RGS7: variants seen among roughly 807,000 people sequenced by gnomAD.
The protein encoded by RGS7 is regulator of G-protein signaling 7.
RGS7 carries 27 observed loss-of-function variants against 81.1 expected under a neutral mutation model. The ratio of observed to expected loss-of-function variants is 0.33; its 90% CI spans 0.25 to 0.46. The LOEUF is 0.46. Ranked by LOEUF, RGS7 falls within the 20% of genes least tolerant of loss-of-function variation. The pLI, the probability that RGS7 is intolerant of heterozygous loss-of-function variation, is 1.00. For missense variants in RGS7, 396 were observed against 607.4 expected (o/e 0.65, Z 3.66); for synonymous variants, 208 against 207.7 (o/e 1.00, Z -0.01).
At chr1:241,249,841 A>C (rs1181232904) in intron 2 of RGS7, among the ~76,000 whole-genome samples, 1 of 152,202 alleles carries the variant, frequency 6.6e-6, no homozygotes, top group Non-Finnish European at 1.5e-5. Context: ...TCACTTGAGA[A>C]GATAGAAAAA....
At chr1:241,172,071 G>T (rs1197234514) in intron 2 of RGS7, among the ~76,000 whole-genome samples, 2 of 152,190 alleles carry the variant, frequency 1.3e-5, no homozygotes, top group Non-Finnish European at 2.9e-5. Context: ...AGCTGATTAT[G>T]CTCAGACAAG....
chr1:241,116,470 T>G (rs950138566), intron 2 of RGS7, among the ~76,000 whole-genome samples: 1 of 152,170 alleles, frequency 6.6e-6, no homozygotes, highest in African/African-American at 2.4e-5. Context: ...CTCTGGCTGC[T>G]GGCTTCCCGG....
chr1:241,322,371 C>T (rs2081261588), intron 2 of RGS7, among the ~76,000 whole-genome samples: 1 of 152,166 alleles, frequency 6.6e-6, no homozygotes. Flanking sequence ...ATATCGACTA[C>T]CATTATTTGA....
intron 2 of RGS7, among the ~76,000 whole-genome samples, chr1:241,268,679 C>T (rs1366873675): frequency 1.3e-5 from 2 of 152,076 alleles, no homozygotes; most frequent in Non-Finnish European, 2.9e-5. Context: ...CTCGTGTTAT[C>T]CTTGCTCTCT....
At chr1:241,243,444 G>A (rs2076358807) in intron 2 of RGS7, among the ~76,000 whole-genome samples, 2 of 152,198 alleles carry the variant, frequency 1.3e-5, no homozygotes, top group South Asian at 4.1e-4. Flanking sequence ...CCAGTAAGAG[G>A]ATTTATTGCA....
At chr1:241,330,239 C>T (rs2081890569) in intron 2 of RGS7, among the ~76,000 whole-genome samples, 1 of 152,162 alleles carries the variant, frequency 6.6e-6, no homozygotes, top group Non-Finnish European at 1.5e-5. Context: ...CCGCCCGGCC[C>T]TTGATGGCAA....
At chr1:241,230,152 TTAATA>T (rs1253115158) in intron 2 of RGS7, among the ~76,000 whole-genome samples, 1 of 152,214 alleles carries the variant, frequency 6.6e-6, no homozygotes, top group African/African-American at 2.4e-5. Flanking sequence ...AAATTCCTAC[TTAATA>T]TGAGTCCATA....
At chr1:241,314,250 C>T (rs1050654904) in intron 2 of RGS7, among the ~76,000 whole-genome samples, 12 of 152,164 alleles carry the variant, frequency 7.9e-5, no homozygotes, top group African/African-American at 1.2e-4. Context: ...TCAATCAATG[C>T]GGCTCACTTC....
chr1:241,298,347 T>G (rs1384079170), intron 2 of RGS7, among the ~76,000 whole-genome samples: 1 of 152,182 alleles, frequency 6.6e-6, no homozygotes, highest in African/African-American at 2.4e-5. Context: ...GCCAAAGTAG[T>G]AATCTGTGTG....
At chr1:240,911,867 C>T (rs578248852) in intron 6 of RGS7, among the ~76,000 whole-genome samples, 19 of 151,804 alleles carry the variant, frequency 1.3e-4, no homozygotes, top group Admixed American at 3.3e-4. Flanking sequence ...TCTGGCCGGG[C>T]GCAGTGGCTC....
intron 18 of RGS7, among the ~76,000 whole-genome samples, chr1:240,783,461 T>C (rs1181450737): frequency 7.5e-6 from 1 of 132,734 alleles, no homozygotes; most frequent in African/African-American, 2.8e-5. Flanking sequence ...ATCTCTACTT[T>C]AAAAAAAAAA....
chr1:240,887,297 T>C lies in RGS7; in HGVS notation c.386-17178A>G, dbSNP rs993123603. On this transcript the variant is annotated intron_variant, in intron 6 of 18. Coordinates refer to ENST00000440928, the MANE Select transcript of RGS7 (RefSeq NM_001364886.1). ...AGGCCGGAGTGCAGTGGCGCGATCT[T>C]GGCTCACTGCAAGCTCTGCCTCCTG... 1.0e-4 allele frequency among the ~76,000 whole-genome samples: 15 copies of C among 148,642 alleles called. 1 individual carries two copies. The highest frequency in any genetic ancestry group is 2.1e-4 in the South Asian group (1 of 4,750).
chr1:240,940,569 C>T lies in RGS7; in HGVS notation c.227-3863G>A, dbSNP rs78749380. The stretch of plus-strand genomic sequence containing the variant: ...GGAAGATAGTGTTAGCACACTTTCC[C>T]GGAAGAAAAATTAAGTTACGGCACA... On this transcript the variant is annotated intron_variant, in intron 4 of 18. Transcript: ENST00000440928. 3.4e-3 allele frequency among the ~76,000 whole-genome samples: 513 copies of T among 152,164 alleles called. 3 individuals are homozygous for T. The highest frequency in any genetic ancestry group is 0.011 in the African/African-American group (469 of 41,508).
rs778008778 is a variant in RGS7 at position 241,098,743 on chromosome 1, C to T, written c.98G>A (p.Arg33Gln). The change falls in exon 3 of 19, where the codon CGG becomes CAG. Residue 33 changes from arginine to glutamine, a missense_variant. Physicochemically the swap from Arg to Gln is conservative, Grantham distance 43. Coordinates refer to ENST00000440928, the MANE Select transcript of RGS7 (RefSeq NM_001364886.1). ...AATTCCATTTTTTTCATCTTGCATC[C>T]GTGCTATGACGTCTTCCATCTAAAC... The part of the protein sequence containing the change: ...VYRKMEDVIA[R>Q]MQDEKNGIPI... The T allele has an allele frequency of 1.7e-5, 28 of 1,611,326 alleles. No homozygotes were observed. In the South Asian group the frequency reaches 2.2e-4, roughly 13 times the overall value.
At chr1:240,908,519 T>TTG (rs1227201543) in intron 6 of RGS7, among the ~76,000 whole-genome samples, 5 of 152,232 alleles carry the variant, frequency 3.3e-5, no homozygotes, top group African/African-American at 1.2e-4. Flanking sequence ...CCTATAGTTG[T>TTG]TAAGCCTACA....
At chr1:240,795,728 A>T (rs12049167) in intron 18 of RGS7, among the ~76,000 whole-genome samples, 1 of 151,972 alleles carries the variant, frequency 6.6e-6, no homozygotes, top group African/African-American at 2.4e-5. Flanking sequence ...TAATAAATAG[A>T]ATCATGTAGA....
At chr1:240,988,197 C>T (rs1685955438) in intron 3 of RGS7, among the ~76,000 whole-genome samples, 1 of 150,206 alleles carries the variant, frequency 6.7e-6, no homozygotes, top group South Asian at 2.1e-4. Flanking sequence ...GAAAAGACTC[C>T]AAATGCTGAA....
chr1:241,171,742 C>G (rs1449783414), intron 2 of RGS7, among the ~76,000 whole-genome samples: 1 of 152,180 alleles, frequency 6.6e-6, no homozygotes, highest in Non-Finnish European at 1.5e-5. Context: ...CACAGGTCCA[C>G]GAATGGGAAG....
chr1:241,183,561 T>C (rs1474789424), intron 2 of RGS7, among the ~76,000 whole-genome samples: 1 of 152,176 alleles, frequency 6.6e-6, no homozygotes, highest in Non-Finnish European at 1.5e-5. Flanking sequence ...TACATACACA[T>C]GGTATTGAAA....
Sources: allele counts gnomAD v4.1 joint callset (sites outside exome capture counted in the v4.1 genomes callset), GRCh38; gene constraint gnomAD v4.1.1; transcripts MANE v1.5; gene names NCBI Gene and HGNC (gene_info 2026-07-23, HGNC 2026-07-21).